The following CMTM4 variants were observed in gnomAD, a reference collection of about 807,000 sequenced individuals.
CMTM4 encodes the protein CKLF like MARVEL transmembrane domain containing 4, also known as CKLF-like MARVEL transmembrane domain-containing protein 4.
A neutral mutation model predicts 19.0 loss-of-function variants in CMTM4; 8 were observed. That is an observed-to-expected ratio of 0.42 (90% CI 0.25 to 0.76). The LOEUF (loss-of-function observed/expected upper bound fraction) is 0.76. Ranked by LOEUF, CMTM4 falls within the 30% of genes least tolerant of loss-of-function variation. The pLI is 0.27. For synonymous variants in CMTM4, 106 were observed against 121.1 expected (o/e 0.88, Z 0.82); for missense variants, 228 against 290.2 (o/e 0.79, Z 1.56).
downstream of CMTM4, chr16:66,613,574 T>C (rs565393018): frequency 2.0e-3 from 305 of 156,224 alleles, no homozygotes; most frequent in Non-Finnish European, 3.6e-3. Context: ...TTTGTAACTT[T>C]TTATATTTTT....
chr16:66,687,967 G>A (rs1436368127), intron 1 of CMTM4, among the ~76,000 whole-genome samples: 1 of 152,100 alleles, frequency 6.6e-6, no homozygotes, highest in African/African-American at 2.4e-5. Context: ...GATTACAGGT[G>A]TAAGCCACCG....
At chr16:66,658,680 G>A (rs571267533) in intron 1 of CMTM4, among the ~76,000 whole-genome samples, 5 of 152,240 alleles carry the variant, frequency 3.3e-5, no homozygotes, top group South Asian at 2.1e-4. Flanking sequence ...CCTGTGCATT[G>A]AGGATGTTTA....
At chr16:66,691,845 AAC>A (rs1320401464) in intron 1 of CMTM4, among the ~76,000 whole-genome samples, 4 of 152,266 alleles carry the variant, frequency 2.6e-5, no homozygotes, top group Admixed American at 6.5e-5. Context: ...CTTTAATTCA[AAC>A]ACATAATTAT....
intron 1 of CMTM4, among the ~76,000 whole-genome samples, chr16:66,661,211 C>T (rs1254887631): frequency 6.6e-6 from 1 of 152,184 alleles, no homozygotes; most frequent in Non-Finnish European, 1.5e-5. Flanking sequence ...CTTCAGATTG[C>T]TAATATGTAA....
intron 1 of CMTM4, among the ~76,000 whole-genome samples, chr16:66,660,369 T>C (rs1022402819): frequency 2.7e-5 from 3 of 113,140 alleles, no homozygotes; most frequent in Non-Finnish European, 3.4e-5. Flanking sequence ...GCCTGGACAA[T>C]AGGGTGAGAT....
intron 1 of CMTM4, among the ~76,000 whole-genome samples, chr16:66,667,384 G>A (rs965137738): frequency 5.9e-5 from 9 of 152,070 alleles, no homozygotes; most frequent in South Asian, 2.1e-4. Context: ...AATAACAAAC[G>A]TGAAGGTTTT....
chr16:66,633,122 TATATATATAA>T lies in CMTM4; in HGVS notation c.363+3273_363+3282del, dbSNP rs2015914300. Among the ~76,000 whole-genome samples, 5 of 143,348 alleles carry T rather than the reference TATATATATAA, an allele frequency of 3.5e-5. No homozygotes were observed. The South Asian group carries it at 6.4e-4, about 18-fold the overall frequency. The allele number at this position is 143,348 out of a possible 152,430, so 94.0% of individuals were successfully genotyped here. On this transcript the variant is annotated intron_variant, in intron 2 of 3. Coordinates refer to ENST00000394106, the MANE Select transcript of CMTM4 (RefSeq NM_181521.3). Reference sequence around the variant, plus strand: ...ATATAAATATATATATATATAAATATATATATATAAATATATATATATATCAAAGTCCCAC... The same window carrying T: ...ATATAAATATATATATATATAAATATATATATATATATATCAAAGTCCCAC...
the CMTM4 span, chr16:66,609,603 C>T: frequency 6.6e-7 from 1 of 1,521,072 alleles, no homozygotes; most frequent in Non-Finnish European, 8.9e-7. This position sits in a 1 kb window ranked among gnomAD's most constrained non-coding sequence, Gnocchi z 4.4. Flanking sequence ...GGACCTGGGG[C>T]AGAGCCTTTC....
At chr16:66,684,415 G>A (rs2016997051) in intron 1 of CMTM4, among the ~76,000 whole-genome samples, 1 of 151,994 alleles carries the variant, frequency 6.6e-6, no homozygotes, top group Non-Finnish European at 1.5e-5. Context: ...GACCTCAAGT[G>A]ATCTGCCTGC....
downstream of CMTM4, among the ~76,000 whole-genome samples, chr16:66,612,401 A>G (rs187750423): frequency 2.7e-3 from 411 of 152,090 alleles, 2 homozygotes; most frequent in African/African-American, 8.9e-3. The surrounding 1 kb of genome is among the most constrained non-coding windows in gnomAD (Gnocchi z 6.0). Flanking sequence ...ACAAAAAAAA[A>G]AGAGAGAGAG....
At chr16:66,625,205 C>A (rs1262454472) in intron 2 of CMTM4, among the ~76,000 whole-genome samples, 1 of 151,992 alleles carries the variant, frequency 6.6e-6, no homozygotes, top group Admixed American at 6.6e-5. Context: ...GAGGCCGAGG[C>A]GGGCGGATCA....
chr16:66,654,577 G>A (rs7193615), intron 1 of CMTM4, among the ~76,000 whole-genome samples: 1 of 152,122 alleles, frequency 6.6e-6, no homozygotes, highest in Non-Finnish European at 1.5e-5. Context: ...ACCCACAAAT[G>A]TGAGTGCAAA....
chr16:66,672,283 T>C (rs2016722357), intron 1 of CMTM4, among the ~76,000 whole-genome samples: 1 of 151,222 alleles, frequency 6.6e-6, no homozygotes, highest in Non-Finnish European at 1.5e-5. Flanking sequence ...TGTGCGCCTG[T>C]AATCCCAGCT....
intron 1 of CMTM4, among the ~76,000 whole-genome samples, chr16:66,679,727 G>A (rs2016872776): frequency 6.6e-6 from 1 of 151,748 alleles, no homozygotes; most frequent in South Asian, 2.1e-4. Flanking sequence ...GGGAGACTGA[G>A]GCAAGAGAAA....
the CMTM4 span, chr16:66,604,756 G>A: frequency 2.5e-6 from 3 of 1,210,200 alleles, no homozygotes; most frequent in African/African-American, 1.6e-5. Context: ...CCCTCCGGGC[G>A]CGAGAAGAGG....
intron 1 of CMTM4, among the ~76,000 whole-genome samples, chr16:66,677,782 A>G (rs889472424): frequency 1.3e-5 from 2 of 151,966 alleles, no homozygotes; most frequent in African/African-American, 4.8e-5. Context: ...GCTCACTGCA[A>G]TCTCCACCTA....
intron 1 of CMTM4, among the ~76,000 whole-genome samples, chr16:66,687,641 G>C (rs1431416522): frequency 1.3e-5 from 2 of 149,642 alleles, no homozygotes; most frequent in Non-Finnish European, 3.0e-5. Flanking sequence ...TCAGTCTGTT[G>C]TCTGTTCTGG....
At chr16:66,662,191 ATGC>A (rs1293835697) in intron 1 of CMTM4, among the ~76,000 whole-genome samples, 4 of 152,254 alleles carry the variant, frequency 2.6e-5, no homozygotes, top group Non-Finnish European at 5.9e-5. Context: ...GTCCCACTGA[ATGC>A]TGCTATCAAA....
At chr16:66,666,923 G>A (rs1039051014) in intron 1 of CMTM4, among the ~76,000 whole-genome samples, 1 of 152,196 alleles carries the variant, frequency 6.6e-6, no homozygotes, top group Admixed American at 6.5e-5. Flanking sequence ...CTTGGAGGGA[G>A]GGAGGGAGTG....
Sources: gnomAD v4.1 joint callset for allele counts (sites outside exome capture counted in the v4.1 genomes callset) on GRCh38, gnomAD v4.1.1 for gene constraint, Gnocchi (gnomAD v3.1) non-coding constraint, MANE v1.5 for transcripts, NCBI Gene and HGNC (gene_info 2026-07-23, HGNC 2026-07-21) for gene names.